The following ARB2A variants were observed in gnomAD, a reference collection of about 807,000 sequenced individuals.
ARB2A encodes the protein cotranscriptional regulator ARB2A.
the ARB2A span, among the ~76,000 whole-genome samples, chr5:93,653,028 C>CT: frequency 1.1e-4 from 16 of 151,656 alleles, no homozygotes; most frequent in South Asian, 2.1e-4. Context: ...TTTAATCTCT[C>CT]TTTTTTTTAA....
the ARB2A span, among the ~76,000 whole-genome samples, chr5:94,028,133 A>C: frequency 1.3e-5 from 2 of 152,220 alleles, no homozygotes; most frequent in Non-Finnish European, 2.9e-5. Context: ...TGCAAGCTGT[A>C]AGCAAGCCTG....
chr5:94,002,453 T>C, the ARB2A span, among the ~76,000 whole-genome samples: 1 of 152,068 alleles, frequency 6.6e-6, no homozygotes, highest in Non-Finnish European at 1.5e-5. Flanking sequence ...GTTCAGGTTT[T>C]TTTTTTTATG....
chr5:93,791,401 T>C, the ARB2A span, among the ~76,000 whole-genome samples: 1 of 152,254 alleles, frequency 6.6e-6, no homozygotes, highest in African/African-American at 2.4e-5. Context: ...TTCTGTTCAA[T>C]GCTTAGCAAT....
the ARB2A span, among the ~76,000 whole-genome samples, chr5:93,751,584 A>G: frequency 1.3e-5 from 2 of 152,204 alleles, no homozygotes; most frequent in African/African-American, 4.8e-5. Context: ...TCCTGCTTTT[A>G]AAGTGCTGAT....
At chr5:93,901,515 C>T in the ARB2A span, among the ~76,000 whole-genome samples, 7 of 152,172 alleles carry the variant, frequency 4.6e-5, no homozygotes, top group East Asian at 1.4e-3. Context: ...ACCATAAGGG[C>T]CTATATTATA....
the ARB2A span, among the ~76,000 whole-genome samples, chr5:93,903,203 T>C: frequency 6.6e-6 from 1 of 152,108 alleles, no homozygotes. Context: ...TCCTATTTTG[T>C]GAACTAGTGC....
the ARB2A span, among the ~76,000 whole-genome samples, chr5:93,676,095 C>T: frequency 6.6e-6 from 1 of 152,088 alleles, no homozygotes; most frequent in Non-Finnish European, 1.5e-5. Context: ...CTACATTATG[C>T]ATATAATTAC....
chr5:93,898,688 C>G, the ARB2A span, among the ~76,000 whole-genome samples: 3 of 152,146 alleles, frequency 2.0e-5, no homozygotes, highest in South Asian at 2.1e-4. Context: ...GTAATTTTAA[C>G]AACATACATA....
the ARB2A span, among the ~76,000 whole-genome samples, chr5:93,644,138 A>G: frequency 7.8e-4 from 119 of 152,224 alleles, no homozygotes; most frequent in African/African-American, 2.8e-3. Flanking sequence ...TGCCACACAT[A>G]AGAGGCTCCC....
At chr5:94,063,001 A>G in the ARB2A span, among the ~76,000 whole-genome samples, 3 of 152,070 alleles carry the variant, frequency 2.0e-5, no homozygotes, top group Non-Finnish European at 2.9e-5. Flanking sequence ...TGCAATCCCA[A>G]CCATTTATCT....
the ARB2A span, among the ~76,000 whole-genome samples, chr5:93,829,759 C>T: frequency 6.6e-6 from 1 of 151,926 alleles, no homozygotes; most frequent in Non-Finnish European, 1.5e-5. Flanking sequence ...GGAAGGAAAA[C>T]CTTATAGGGA....
At chr5:93,799,268 A>G in the ARB2A span, among the ~76,000 whole-genome samples, 1 of 152,232 alleles carries the variant, frequency 6.6e-6, no homozygotes, top group Non-Finnish European at 1.5e-5. Flanking sequence ...TTTCAATCAT[A>G]AAAATTACAA....
At chr5:93,928,500 A>G in the ARB2A span, among the ~76,000 whole-genome samples, 7 of 152,334 alleles carry the variant, frequency 4.6e-5, no homozygotes, top group African/African-American at 1.7e-4. Context: ...GCAAAGCACA[A>G]TGCTTATTAC....
chr5:93,820,855 T>TCAGA, the ARB2A span, among the ~76,000 whole-genome samples: 1 of 152,152 alleles, frequency 6.6e-6, no homozygotes, highest in Non-Finnish European at 1.5e-5. Context: ...TTCAGAGAAT[T>TCAGA]GGAAATTTGA....
the ARB2A span, among the ~76,000 whole-genome samples, chr5:93,856,310 T>C: frequency 2.0e-5 from 3 of 152,200 alleles, no homozygotes; most frequent in African/African-American, 7.2e-5. Context: ...CTGTATTTCC[T>C]GAATCTGAAT....
At chr5:93,881,889 A>G in the ARB2A span, among the ~76,000 whole-genome samples, 1 of 151,336 alleles carries the variant, frequency 6.6e-6, no homozygotes, top group Non-Finnish European at 1.5e-5. Context: ...TATATAAATA[A>G]GCTTTTATTA....
the ARB2A span, among the ~76,000 whole-genome samples, chr5:93,689,243 C>A: frequency 6.6e-6 from 1 of 152,196 alleles, no homozygotes; most frequent in Non-Finnish European, 1.5e-5. Flanking sequence ...CATAATTTTA[C>A]TCTCACTGAC....
At chr5:93,632,300 T>G in the ARB2A span, among the ~76,000 whole-genome samples, 28 of 152,098 alleles carry the variant, frequency 1.8e-4, no homozygotes, top group Non-Finnish European at 3.8e-4. Flanking sequence ...GAGACCTGAG[T>G]GGCAACAAGG....
At chr5:93,921,066 G>A in the ARB2A span, among the ~76,000 whole-genome samples, 1 of 148,562 alleles carries the variant, frequency 6.7e-6, no homozygotes, top group South Asian at 2.1e-4. Context: ...ACAAGAAAAA[G>A]TTAAATTGCT....
Sources: gnomAD v4.1 joint callset for allele counts (sites outside exome capture counted in the v4.1 genomes callset) on GRCh38, gnomAD v4.1.1 for gene constraint, MANE v1.5 for transcripts, NCBI Gene and HGNC (gene_info 2026-07-23, HGNC 2026-07-21) for gene names.